NAV2: variants seen among roughly 807,000 people sequenced by gnomAD.
The protein encoded by NAV2 is neuron navigator 2.
Under a neutral mutation model 223.2 loss-of-function variants are expected in NAV2, and 54 were observed. The ratio of observed to expected loss-of-function variants is 0.24; its 90% CI spans 0.19 to 0.30. The LOEUF is 0.30. NAV2 is among the 10% of genes least tolerant of loss of function. The pLI is 1.00. For missense variants in NAV2, 2,806 were observed against 3,147.5 expected, an observed-to-expected ratio of 0.89 and a Z score of 2.60; for synonymous variants, 1,279 against 1,239.3, an observed-to-expected ratio of 1.03 and a Z score of -0.67.
intron 6 of NAV2, among the ~76,000 whole-genome samples, chr11:19,912,751 A>G (rs1024121163): frequency 1.3e-5 from 2 of 152,192 alleles, no homozygotes; most frequent in African/African-American, 4.8e-5. Flanking sequence ...TCTGAGGAAC[A>G]TTACTGTATG....
rs2060886973 is a variant in NAV2 at position 19,847,753 on chromosome 11, C to T, written c.438+4830C>T. Among the ~76,000 whole-genome samples, 5 of 152,104 alleles carry T rather than the reference C, an allele frequency of 3.3e-5. 1 individual carries two copies. The South Asian group carries it at 1.0e-3, about 32-fold the overall frequency. On this transcript the variant is annotated intron_variant, in intron 3 of 37. Transcript: ENST00000349880. ...ACAGTGTTTGTCTTGTGCCAAGCACCATTCTAAGTGCTTTACAAATACAGC... is the reference window on the plus strand; with the variant it reads ...ACAGTGTTTGTCTTGTGCCAAGCACTATTCTAAGTGCTTTACAAATACAGC...
In NAV2 at chr11:20,105,524, C is replaced by G. The variant is rs748960813; in HGVS notation, c.6645-7C>G. ...TCAGCTTGAAAAGTGTTTCTGACTT[C>G]CTCCAGATGGGTGCTTTGTGCCAAC... On this transcript the variant is annotated splice_polypyrimidine_tract_variant and splice_region_variant and intron_variant, in intron 34 of 37. Transcript: ENST00000349880. 6.2e-7 allele frequency: 1 copy of G among 1,606,292 alleles called. No homozygotes were observed. Among genetic ancestry groups the G allele is most frequent in the Admixed American group, 1.7e-5 (1 of 59,102 alleles).
At chr11:20,034,910 T>A (rs555105600) in intron 11 of NAV2, among the ~76,000 whole-genome samples, 8 of 152,112 alleles carry the variant, frequency 5.3e-5, no homozygotes, top group Non-Finnish European at 8.8e-5. Context: ...AGAGCAATCT[T>A]GGCTTAGAAG....
chr11:19,739,147 G>GCTTCA (rs2052584678), intron 1 of NAV2, among the ~76,000 whole-genome samples: 2 of 152,124 alleles, frequency 1.3e-5, no homozygotes, highest in Admixed American at 6.5e-5. Flanking sequence ...GTGCCACTGG[G>GCTTCA]CTTCAGTCTG....
chr11:19,866,263 G>A (rs750472527), intron 3 of NAV2, among the ~76,000 whole-genome samples: 6 of 152,192 alleles, frequency 3.9e-5, no homozygotes, highest in Non-Finnish European at 5.9e-5. Context: ...AGGATGTTTA[G>A]CTACATCTTG....
At chr11:19,611,435 C>A (rs544596761) in intron 1 of NAV2, among the ~76,000 whole-genome samples, 6 of 152,296 alleles carry the variant, frequency 3.9e-5, no homozygotes, top group African/African-American at 1.2e-4. Flanking sequence ...AATCCAACAT[C>A]TCATCTGAGA....
intron 22 of NAV2, among the ~76,000 whole-genome samples, chr11:20,071,200 A>G (rs182719307): frequency 2.2e-3 from 328 of 147,442 alleles, no homozygotes; most frequent in African/African-American, 8.0e-3. Flanking sequence ...CTTATGAATG[A>G]GAACATCCAG....
chr11:19,910,691 T>C (rs1371180371), intron 6 of NAV2, among the ~76,000 whole-genome samples: 1 of 152,052 alleles, frequency 6.6e-6, no homozygotes, highest in Non-Finnish European at 1.5e-5. Flanking sequence ...AAACTCCATG[T>C]CTACTAAATA....
intron 1 of NAV2, among the ~76,000 whole-genome samples, chr11:19,447,457 C>G (rs1212902777): frequency 6.6e-6 from 1 of 152,178 alleles, no homozygotes; most frequent in Non-Finnish European, 1.5e-5. Context: ...CTGGCTGAGA[C>G]ACCAGGACAA....
At position 20,114,194 on chromosome 11, in the gene NAV2, G is replaced by A. The variant is rs184168886; in HGVS notation, c.6961-398G>A. On this transcript the variant is annotated intron_variant, in intron 36 of 37. Coordinates refer to ENST00000349880, the MANE Select transcript of NAV2 (RefSeq NM_145117.5). ...CTCCACATCCAGTGACATCATGTCAGTGGTTTGAAGTCAGTCATGGTGGGA... is the reference window on the plus strand; with the variant it reads ...CTCCACATCCAGTGACATCATGTCAATGGTTTGAAGTCAGTCATGGTGGGA... Among the ~76,000 whole-genome samples the A allele has an allele frequency of 1.1e-3, 169 of 152,310 alleles. 1 individual carries two copies. The highest frequency in any genetic ancestry group is 3.9e-3 in the African/African-American group (161 of 41,576).
chr11:19,349,609 C>T (rs899339055), upstream of NAV2, among the ~76,000 whole-genome samples: 1 of 152,146 alleles, frequency 6.6e-6, no homozygotes, highest in Non-Finnish European at 1.5e-5. Flanking sequence ...AAGACTAGTG[C>T]CTTTTAGTAA....
intron 6 of NAV2, among the ~76,000 whole-genome samples, chr11:19,919,380 G>A (rs2044075213): frequency 6.6e-6 from 1 of 151,936 alleles, no homozygotes; most frequent in Non-Finnish European, 1.5e-5. Flanking sequence ...AGGAAACAGA[G>A]TAGATGTTGC....
At chr11:19,962,123 C>T (rs976058614) in intron 10 of NAV2, among the ~76,000 whole-genome samples, 4 of 151,392 alleles carry the variant, frequency 2.6e-5, no homozygotes, top group African/African-American at 9.7e-5. Context: ...GGTCTCTCAG[C>T]CTATTGGCCT....
At chr11:19,633,145 C>T (rs1051318075) in intron 1 of NAV2, among the ~76,000 whole-genome samples, 1 of 152,152 alleles carries the variant, frequency 6.6e-6, no homozygotes. Context: ...TAGCTCATTC[C>T]GTGCCCCCAG....
intron 7 of NAV2, among the ~76,000 whole-genome samples, 157 bp from the exon 8 acceptor site, chr11:19,939,504 C>T (rs769727722): frequency 6.6e-5 from 10 of 152,156 alleles, no homozygotes; most frequent in Non-Finnish European, 1.5e-4. Context: ...GCTCCACATA[C>T]GGCTAATGAA....
At chr11:19,654,003 G>T (rs920739941) in intron 1 of NAV2, among the ~76,000 whole-genome samples, 1 of 152,108 alleles carries the variant, frequency 6.6e-6, no homozygotes, top group African/African-American at 2.4e-5. Flanking sequence ...CATCATCTCA[G>T]CCCAAAATCT....
chr11:19,493,661 C>T (rs540637727), intron 1 of NAV2, among the ~76,000 whole-genome samples: 1 of 152,088 alleles, frequency 6.6e-6, no homozygotes, highest in Admixed American at 6.5e-5. Context: ...CCGGATGGAG[C>T]CTTAAGGGTG....
At chr11:19,560,919 G>A (rs1374212961) in intron 1 of NAV2, among the ~76,000 whole-genome samples, 2 of 152,216 alleles carry the variant, frequency 1.3e-5, no homozygotes, top group Non-Finnish European at 2.9e-5. Flanking sequence ...AAATTGAACA[G>A]GCTTCTTTCT....
At chr11:19,701,140 C>A (rs966805900) in intron 1 of NAV2, among the ~76,000 whole-genome samples, 1 of 152,092 alleles carries the variant, frequency 6.6e-6, no homozygotes, top group Non-Finnish European at 1.5e-5. Context: ...CCAGATCCAG[C>A]CTCCGTGTTC....
Sources: allele counts gnomAD v4.1 joint callset (sites outside exome capture counted in the v4.1 genomes callset), GRCh38; gene constraint gnomAD v4.1.1; transcripts MANE v1.5; gene names NCBI Gene and HGNC (gene_info 2026-07-23, HGNC 2026-07-21).